The following CPEB1 variants were observed in gnomAD, a reference collection of about 807,000 sequenced individuals.
The protein encoded by CPEB1 is cytoplasmic polyadenylation element binding protein 1.
A neutral mutation model predicts 65.8 loss-of-function variants in CPEB1; 7 were observed. That is an observed-to-expected ratio of 0.11 (90% confidence interval 0.06 to 0.20). The LOEUF is 0.20. CPEB1 is among the 10% of genes least tolerant of loss of function. CPEB1 has a pLI of 1.00. For missense variants in CPEB1, 551 were observed against 712.2 expected (o/e 0.77, Z 2.58); for synonymous variants, 262 against 260.0 (o/e 1.01, Z -0.08).
intron 4 of CPEB1, among the ~76,000 whole-genome samples, chr15:82,559,428 T>C (rs2037810140): frequency 6.6e-6 from 1 of 152,222 alleles, no homozygotes; most frequent in East Asian, 1.9e-4. Context: ...AGCTTTAATT[T>C]TTAAAGAGAC....
At chr15:82,621,006 TTAAC>T (rs1279163887) in intron 3 of CPEB1, among the ~76,000 whole-genome samples, 2 of 152,216 alleles carry the variant, frequency 1.3e-5, no homozygotes, top group Non-Finnish European at 2.9e-5. Context: ...TCGTTGCCAC[TTAAC>T]TGTTAAAGCC....
intron 3 of CPEB1, among the ~76,000 whole-genome samples, chr15:82,578,096 T>C (rs892931250): frequency 4.6e-5 from 7 of 151,924 alleles, no homozygotes; most frequent in Non-Finnish European, 8.8e-5. Context: ...GCCGAGATCG[T>C]GCCACTGCAC....
At chr15:82,616,528 TCTTTTTA>T (rs1172194677) in intron 3 of CPEB1, among the ~76,000 whole-genome samples, 1 of 151,598 alleles carries the variant, frequency 6.6e-6, no homozygotes, top group Non-Finnish European at 1.5e-5. Context: ...TTTACATTCC[TCTTTTTA>T]AATTTTTTTT....
chr15:82,577,098 C>A (rs772013766), intron 3 of CPEB1, among the ~76,000 whole-genome samples: 7 of 152,040 alleles, frequency 4.6e-5, no homozygotes, highest in African/African-American at 7.2e-5. Flanking sequence ...ATCTATAGGC[C>A]CATGGCTTTG....
In CPEB1 at chr15:82,567,863, A is replaced by C. The variant is rs548972755; in HGVS notation, c.460+3481T>G. ...CTTCTGCTGCATAATGCTGCACACA[A>C]AAGAGTCGCAAGGGGGAAGGCAGGA... On this transcript the variant is annotated intron_variant, in intron 4 of 12. Transcript: ENST00000684509. 5.3e-5 allele frequency among the ~76,000 whole-genome samples: 8 copies of C among 152,234 alleles called. No homozygotes were observed. In the East Asian group the frequency reaches 1.4e-3, roughly 26 times the overall value.
At chr15:82,646,002 C>T (rs1336753565) in intron 1 of CPEB1, among the ~76,000 whole-genome samples, 1 of 152,214 alleles carries the variant, frequency 6.6e-6, no homozygotes, top group African/African-American at 2.4e-5. Context: ...GTCCCCAAAA[C>T]ACCGTCCCCA....
chr15:82,597,246 G>C lies in CPEB1; in HGVS notation c.272-25714C>G, dbSNP rs192166911. Among the ~76,000 whole-genome samples, 268 of 152,236 alleles carry C rather than the reference G, an allele frequency of 1.8e-3. 1 individual carries two copies. Among genetic ancestry groups the C allele is most frequent in the Admixed American group, 3.9e-3 (60 of 15,298 alleles). Reference sequence around the variant, plus strand: ...GACACTAAAGTGGGAGGATCAATTGGGCCTGGAAGGTCGAGGCTGCAATGA... The same window carrying C: ...GACACTAAAGTGGGAGGATCAATTGCGCCTGGAAGGTCGAGGCTGCAATGA... On this transcript the variant is annotated intron_variant, in intron 3 of 12. Transcript: ENST00000684509.
rs143794389 is a variant in CPEB1 at position 82,579,640 on chromosome 15, C to T, written c.272-8108G>A. Reference sequence around the variant, plus strand: ...AAAGACTCTCAAGCACGGCCGGGCGCGGTGGCTCACGCCTGTAATCCCAGC... The same window carrying T: ...AAAGACTCTCAAGCACGGCCGGGCGTGGTGGCTCACGCCTGTAATCCCAGC... On this transcript the variant is annotated intron_variant, in intron 3 of 12. Coordinates refer to ENST00000684509, the MANE Select transcript of CPEB1 (RefSeq NM_001365242.1). 9.1e-3 allele frequency among the ~76,000 whole-genome samples: 1,390 copies of T among 152,102 alleles called. 23 individuals carry two copies. Among genetic ancestry groups the T allele is most frequent in the African/African-American group, 0.031 (1,297 of 41,496 alleles).
intron 3 of CPEB1, among the ~76,000 whole-genome samples, chr15:82,603,171 C>A (rs923809828): frequency 1.3e-5 from 2 of 151,966 alleles, no homozygotes; most frequent in African/African-American, 4.8e-5. Flanking sequence ...TGCATCACAG[C>A]AAAAATTAGC....
At chr15:82,560,093 C>T (rs2037941303) in intron 4 of CPEB1, among the ~76,000 whole-genome samples, 1 of 152,096 alleles carries the variant, frequency 6.6e-6, no homozygotes, top group African/African-American at 2.4e-5. Context: ...AAAAAAAGTT[C>T]CTTGACAAAC....
At chr15:82,633,708 C>T (rs2046437379) in intron 1 of CPEB1, among the ~76,000 whole-genome samples, 1 of 152,170 alleles carries the variant, frequency 6.6e-6, no homozygotes, top group Non-Finnish European at 1.5e-5. Flanking sequence ...CCTCAATTTT[C>T]TCCTCTCCAA....
intron 3 of CPEB1, among the ~76,000 whole-genome samples, chr15:82,598,366 C>A (rs1170308539): frequency 6.6e-6 from 1 of 151,952 alleles, no homozygotes; most frequent in South Asian, 2.1e-4. Context: ...TGGTGGCGCA[C>A]ACCTGTAATC....
Position 82,579,868 on chromosome 15 carries a change from C to T in CPEB1, c.272-8336G>A, listed in dbSNP as rs540603150. Among the ~76,000 whole-genome samples, 15 of 128,194 alleles carry T rather than the reference C, an allele frequency of 1.2e-4. No individual in the cohort carries two copies. In the East Asian group the frequency reaches 3.5e-3, roughly 30 times the overall value. 84.1% of individuals were successfully genotyped at this position (128,194 alleles called of 152,430 possible). On this transcript the variant is annotated intron_variant, in intron 3 of 12. Transcript: ENST00000684509. ...CGGAGCTTGCAGTGAGCCGACATTGCGCCACTGCAGTCTGCAGTCCGGCCT... is the reference window on the plus strand; with the variant it reads ...CGGAGCTTGCAGTGAGCCGACATTGTGCCACTGCAGTCTGCAGTCCGGCCT...
chr15:82,572,592 C>A (rs1450700574), intron 3 of CPEB1, among the ~76,000 whole-genome samples: 1 of 152,176 alleles, frequency 6.6e-6, no homozygotes, highest in Non-Finnish European at 1.5e-5. Flanking sequence ...TAGGCACAGA[C>A]TGAGGAAACA....
chr15:82,583,223 A>G (rs1258930610), intron 3 of CPEB1: 1 of 152,118 alleles, frequency 6.6e-6, no homozygotes, highest in Non-Finnish European at 1.5e-5. Context: ...CATCCAATCT[A>G]CTGCTTATGG....
At chr15:82,636,900 T>C (rs1487653839) in intron 1 of CPEB1, among the ~76,000 whole-genome samples, 2 of 152,252 alleles carry the variant, frequency 1.3e-5, no homozygotes. Flanking sequence ...ATTCTACCTC[T>C]TCTCCCTGTC....
intron 3 of CPEB1, among the ~76,000 whole-genome samples, chr15:82,604,058 A>G (rs1028367472): frequency 2.6e-5 from 4 of 152,254 alleles, no homozygotes; most frequent in African/African-American, 7.2e-5. Flanking sequence ...GAAGAGCTAA[A>G]GGATACCATA....
At chr15:82,575,822 A>AC (rs2040585744) in intron 3 of CPEB1, among the ~76,000 whole-genome samples, 1 of 152,100 alleles carries the variant, frequency 6.6e-6, no homozygotes, top group Non-Finnish European at 1.5e-5. Context: ...AAGCTTCATT[A>AC]CCGTAAATGG....
intron 3 of CPEB1, among the ~76,000 whole-genome samples, chr15:82,599,827 T>C (rs1043378797): frequency 1.3e-5 from 2 of 151,916 alleles, no homozygotes; most frequent in Non-Finnish European, 2.9e-5. Flanking sequence ...ACCTCAAAGA[T>C]GGAGTTTAAC....
Sources: allele counts gnomAD v4.1 joint callset (sites outside exome capture counted in the v4.1 genomes callset), GRCh38; gene constraint gnomAD v4.1.1; transcripts MANE v1.5; gene names NCBI Gene and HGNC (gene_info 2026-07-23, HGNC 2026-07-21).